The following PRKAR1B variants were observed in gnomAD, a reference collection of about 807,000 sequenced individuals.
PRKAR1B encodes cAMP-dependent protein kinase type I-beta regulatory subunit.
Under a neutral mutation model 46.5 loss-of-function variants are expected in PRKAR1B, and 22 were observed. That is an observed-to-expected ratio of 0.47 (90% CI 0.34 to 0.68). The LOEUF is 0.68. Among genes scored for constraint, PRKAR1B ranks in the 30% least tolerant of loss-of-function variants. PRKAR1B has a pLI of 0.01. For missense variants in PRKAR1B, 445 were observed against 535.6 expected (o/e 0.83, Z 1.67); for synonymous variants, 259 against 217.7 (o/e 1.19, Z -1.67).
intron 9 of PRKAR1B, chr7:561,875 C>T (rs1030604310): frequency 6.6e-6 from 1 of 152,258 alleles, no homozygotes; most frequent in Non-Finnish European, 1.5e-5. Flanking sequence ...CCGCCCCCGC[C>T]TGCATGCCAG....
intron 4 of PRKAR1B, among the ~76,000 whole-genome samples, chr7:633,043 C>T (rs187404283): frequency 3.9e-5 from 6 of 152,346 alleles, no homozygotes; most frequent in Admixed American, 1.3e-4. Flanking sequence ...GGAGTCATGT[C>T]GTGCCGACGC....
intron 9 of PRKAR1B, among the ~76,000 whole-genome samples, chr7:573,199 T>A (rs1779623079): frequency 6.6e-6 from 1 of 152,114 alleles, no homozygotes; most frequent in Non-Finnish European, 1.5e-5. Flanking sequence ...GTGAAAAAGA[T>A]CCAGGTTGCC....
At chr7:683,405 G>C (rs1778812684) in intron 2 of PRKAR1B, among the ~76,000 whole-genome samples, 1 of 152,176 alleles carries the variant, frequency 6.6e-6, no homozygotes, top group Admixed American at 6.5e-5. Context: ...AGGTGCACCG[G>C]TCCAGGTGGG....
At chr7:655,668 G>C (rs1408406234) in intron 4 of PRKAR1B, among the ~76,000 whole-genome samples, 2 of 152,206 alleles carry the variant, frequency 1.3e-5, no homozygotes, top group Non-Finnish European at 2.9e-5. Flanking sequence ...TGCGCATCTT[G>C]TATCTGCAGC....
At position 694,405 on chromosome 7, in the gene PRKAR1B, G is replaced by A. The variant is rs1229425977; in HGVS notation, c.178-13679C>T. ...ACCCCGGACCAAGACATCAGGTCTC[G>A]TCTGGACGCTCAGCTCCAACAGATC... On this transcript the variant is annotated intron_variant, in intron 2 of 10. Transcript: ENST00000537384. Among the ~76,000 whole-genome samples, 14 of 152,212 alleles carry A rather than the reference G, an allele frequency of 9.2e-5. 1 individual carries two copies. The East Asian group carries it at 9.7e-4, about 11-fold the overall frequency.
At chr7:682,737 T>G (rs1778762161) in intron 2 of PRKAR1B, among the ~76,000 whole-genome samples, 1 of 148,824 alleles carries the variant, frequency 6.7e-6, no homozygotes, top group Non-Finnish European at 1.5e-5. Flanking sequence ...AGCGAGACTC[T>G]GTCTCAAAAA....
intron 4 of PRKAR1B, among the ~76,000 whole-genome samples, chr7:616,653 G>C (rs892755210): frequency 6.6e-6 from 1 of 152,192 alleles, no homozygotes; most frequent in Non-Finnish European, 1.5e-5. Context: ...TTTGGCTGAG[G>C]GTCCGTCGGC....
At chr7:663,123 C>T (rs1412818277) in intron 4 of PRKAR1B, among the ~76,000 whole-genome samples, 1 of 152,216 alleles carries the variant, frequency 6.6e-6, no homozygotes, top group Non-Finnish European at 1.5e-5. Context: ...AACAAGGGCC[C>T]ACCCGCGGGA....
intron 4 of PRKAR1B, among the ~76,000 whole-genome samples, chr7:627,151 G>T (rs565009394): frequency 6.6e-6 from 1 of 152,094 alleles, no homozygotes; most frequent in Non-Finnish European, 1.5e-5. Context: ...GGGATTACAG[G>T]CATTTTTATT....
intron 4 of PRKAR1B, among the ~76,000 whole-genome samples, chr7:672,429 G>C (rs1388607146): frequency 6.6e-6 from 1 of 152,042 alleles, no homozygotes; most frequent in Non-Finnish European, 1.5e-5. Flanking sequence ...TGGGATTACA[G>C]GCATGAGCCA....
chr7:563,412 G>A (rs1040710864), intron 9 of PRKAR1B, among the ~76,000 whole-genome samples: 9 of 152,276 alleles, frequency 5.9e-5, no homozygotes, highest in African/African-American at 1.7e-4. Context: ...GAGAGCCCAG[G>A]CTGTGCACTG....
At chr7:607,024 G>T (rs1782125309) in intron 5 of PRKAR1B, among the ~76,000 whole-genome samples, 1 of 152,056 alleles carries the variant, frequency 6.6e-6, no homozygotes, top group Non-Finnish European at 1.5e-5. Context: ...TGAAATTTGA[G>T]ACAGAGTCTT....
At chr7:615,092 G>GGAGA (rs1321448295) in intron 4 of PRKAR1B, among the ~76,000 whole-genome samples, 1 of 150,502 alleles carries the variant, frequency 6.6e-6, no homozygotes, top group Non-Finnish European at 1.5e-5. Context: ...ACAGAAAGAA[G>GGAGA]GAGAGAGAGA....
intron 4 of PRKAR1B, among the ~76,000 whole-genome samples, chr7:611,010 C>T (rs1562561424): frequency 6.6e-6 from 1 of 152,200 alleles, no homozygotes; most frequent in African/African-American, 2.4e-5. Flanking sequence ...GCCCTTCCTG[C>T]GGGGGCCGAG....
chr7:663,370 A>G (rs1785720341), intron 4 of PRKAR1B, among the ~76,000 whole-genome samples: 1 of 152,136 alleles, frequency 6.6e-6, no homozygotes, highest in Non-Finnish European at 1.5e-5. Flanking sequence ...CTGCAACTAC[A>G]GGTGCATGCC....
chr7:661,246 C>A (rs1785537195), intron 4 of PRKAR1B, among the ~76,000 whole-genome samples: 1 of 87,426 alleles, frequency 1.1e-5, no homozygotes, highest in Non-Finnish European at 2.3e-5. Flanking sequence ...GGTCCAAATA[C>A]CTACTCTCCC....
chr7:653,061 TG>T (rs1056069766), intron 4 of PRKAR1B, among the ~76,000 whole-genome samples: 11 of 152,162 alleles, frequency 7.2e-5, no homozygotes, highest in Non-Finnish European at 1.6e-4. Flanking sequence ...GCATGGTGGC[TG>T]GGCGCCAAGA....
intron 4 of PRKAR1B, among the ~76,000 whole-genome samples, chr7:649,159 G>A (rs746059000): frequency 5.1e-4 from 77 of 152,246 alleles, no homozygotes; most frequent in African/African-American, 1.2e-3. Flanking sequence ...GTGAGACTCC[G>A]TCTCAAAATA....
At chr7:628,975 C>A (rs980137805) in intron 4 of PRKAR1B, among the ~76,000 whole-genome samples, 1 of 152,206 alleles carries the variant, frequency 6.6e-6, no homozygotes, top group African/African-American at 2.4e-5. Context: ...GTGCTTGCAA[C>A]GTCCTGTGAG....
Sources: allele counts gnomAD v4.1 joint callset (sites outside exome capture counted in the v4.1 genomes callset), GRCh38; gene constraint gnomAD v4.1.1; transcripts MANE v1.5; gene names NCBI Gene and HGNC (gene_info 2026-07-23, HGNC 2026-07-21).